The following LDB2 variants were observed in gnomAD, a reference collection of about 807,000 sequenced individuals.
LDB2 encodes LIM domain-binding protein 2.
Under a neutral mutation model 44.3 loss-of-function variants are expected in LDB2, and 12 were observed. That is an observed-to-expected ratio of 0.27 (90% CI 0.17 to 0.44). The LOEUF is 0.44. LDB2 is among the 20% of genes least tolerant of loss of function. The probability of loss-of-function intolerance (pLI) is 1.00; values close to 1 mark genes in which losing one functional copy is unlikely to be tolerated. For missense variants in LDB2, 344 were observed against 473.5 expected (o/e 0.73, Z 2.54); for synonymous variants, 164 against 174.8 (o/e 0.94, Z 0.49).
At chr4:16,757,100 A>G (rs991038352) in intron 2 of LDB2, among the ~76,000 whole-genome samples, 1 of 152,194 alleles carries the variant, frequency 6.6e-6, no homozygotes, top group African/African-American at 2.4e-5. Context: ...CCAGCCTGGC[A>G]CAGCATGCCT....
intron 1 of LDB2, among the ~76,000 whole-genome samples, chr4:16,828,884 G>T (rs1041706055): frequency 6.6e-6 from 1 of 152,078 alleles, no homozygotes; most frequent in Non-Finnish European, 1.5e-5. Context: ...CCTGCAACAC[G>T]GCACCCTGCA....
At chr4:16,528,137 T>C (rs1728875974) in intron 5 of LDB2, among the ~76,000 whole-genome samples, 1 of 152,054 alleles carries the variant, frequency 6.6e-6, no homozygotes, top group Admixed American at 6.6e-5. Flanking sequence ...ATGTTCTCAC[T>C]CGTAAGTGGG....
At chr4:16,722,347 C>T (rs1248700301) in intron 2 of LDB2, among the ~76,000 whole-genome samples, 1 of 152,118 alleles carries the variant, frequency 6.6e-6, no homozygotes, top group Non-Finnish European at 1.5e-5. Context: ...GGAATTCCAA[C>T]CCACATTTAA....
chr4:16,865,470 A>G (rs1020231243), intron 1 of LDB2, among the ~76,000 whole-genome samples: 1 of 152,148 alleles, frequency 6.6e-6, no homozygotes, highest in Non-Finnish European at 1.5e-5. Context: ...TCTCAGCTCC[A>G]CAAGCCCTGC....
intron 5 of LDB2, among the ~76,000 whole-genome samples, chr4:16,557,513 G>C (rs1258157477): frequency 6.6e-6 from 1 of 152,236 alleles, no homozygotes; most frequent in East Asian, 1.9e-4. Context: ...CTGGGGGAGG[G>C]GCGCCTGCCA....
chr4:16,809,114 G>A (rs1459402160), intron 1 of LDB2, among the ~76,000 whole-genome samples: 1 of 152,186 alleles, frequency 6.6e-6, no homozygotes. Flanking sequence ...TAAATCTTAG[G>A]AGATGGCAGA....
intron 2 of LDB2, among the ~76,000 whole-genome samples, chr4:16,640,792 T>C (rs1459320697): frequency 4.6e-5 from 7 of 152,114 alleles, no homozygotes; most frequent in Non-Finnish European, 8.8e-5. Flanking sequence ...CTGAAAAGAG[T>C]AGATTCTATG....
intron 1 of LDB2, among the ~76,000 whole-genome samples, chr4:16,780,639 C>T (rs1389004331): frequency 6.6e-6 from 1 of 152,108 alleles, no homozygotes; most frequent in East Asian, 1.9e-4. Context: ...GTGGAAATGA[C>T]AGCCTTTCTC....
chr4:16,825,047 T>C (rs1346888473), intron 1 of LDB2, among the ~76,000 whole-genome samples: 3 of 152,198 alleles, frequency 2.0e-5, no homozygotes, highest in Non-Finnish European at 2.9e-5. Context: ...GTAGCTGAGA[T>C]ACTGCCTAGG....
chr4:16,787,941 A>C (rs1355648712), intron 1 of LDB2, among the ~76,000 whole-genome samples: 1 of 99,258 alleles, frequency 1.0e-5, no homozygotes, highest in Non-Finnish European at 3.1e-5. Context: ...CTTAAGAATA[A>C]ATGAAACCAA....
chr4:16,752,437 A>G (rs1446618742), intron 2 of LDB2: 5 of 454,170 alleles, frequency 1.1e-5, no homozygotes, highest in South Asian at 3.1e-5. Context: ...TTTTTCCCCA[A>G]TTGGTCTTAA....
chr4:16,715,597 C>A (rs1756908760), intron 2 of LDB2, among the ~76,000 whole-genome samples: 1 of 152,192 alleles, frequency 6.6e-6, no homozygotes, highest in Non-Finnish European at 1.5e-5. Flanking sequence ...CATTTTTCCT[C>A]TGTTAATAAA....
At chr4:16,659,179 G>A (rs1578545279) in intron 2 of LDB2, among the ~76,000 whole-genome samples, 6 of 152,252 alleles carry the variant, frequency 3.9e-5, no homozygotes, top group Admixed American at 1.3e-4. Context: ...GACCAAGACT[G>A]TCCTTAAATA....
At chr4:16,703,526 C>T (rs1205519525) in intron 2 of LDB2, among the ~76,000 whole-genome samples, 1 of 152,190 alleles carries the variant, frequency 6.6e-6, no homozygotes, top group Non-Finnish European at 1.5e-5. Flanking sequence ...TAGAATAAGA[C>T]AGCTGTGTCT....
intron 5 of LDB2, among the ~76,000 whole-genome samples, chr4:16,559,966 A>G (rs1741418975): frequency 6.6e-6 from 1 of 152,214 alleles, no homozygotes; most frequent in Non-Finnish European, 1.5e-5. Context: ...CTGAATGACT[A>G]CTGGGTACAT....
In LDB2 at chr4:16,740,165, A is replaced by G. The variant is rs1392642025; in HGVS notation, c.235+18993T>C. On this transcript the variant is annotated intron_variant, in intron 2 of 7. Transcript: ENST00000304523. ...AGATATTTGACTGTGAGAGCTCCAT[A>G]AATATTCCTTGGTTTTGTCTTTTTA... Among the ~76,000 whole-genome samples the G allele has an allele frequency of 2.6e-5, 4 of 152,188 alleles. No individual in the cohort carries two copies. In the East Asian group the frequency reaches 7.7e-4, roughly 29 times the overall value.
intron 1 of LDB2, among the ~76,000 whole-genome samples, chr4:16,853,499 G>T (rs143096468): frequency 1.3e-5 from 2 of 152,272 alleles, no homozygotes; most frequent in East Asian, 1.9e-4. Flanking sequence ...AGGATGTGGA[G>T]AAAAATGAAT....
At chr4:16,778,640 T>C (rs906475759) in intron 1 of LDB2, among the ~76,000 whole-genome samples, 2 of 152,232 alleles carry the variant, frequency 1.3e-5, no homozygotes, top group Non-Finnish European at 2.9e-5. Context: ...GCCCAATTAC[T>C]ACCTGTTGAT....
chr4:16,678,265 A>G (rs1449406862), intron 2 of LDB2, among the ~76,000 whole-genome samples: 1 of 152,248 alleles, frequency 6.6e-6, no homozygotes, highest in Non-Finnish European at 1.5e-5. Flanking sequence ...GTAAAGGTCA[A>G]CTCAAGAGTT....
Sources: gnomAD v4.1 joint callset for allele counts (sites outside exome capture counted in the v4.1 genomes callset) on GRCh38, gnomAD v4.1.1 for gene constraint, MANE v1.5 for transcripts, NCBI Gene and HGNC (gene_info 2026-07-23, HGNC 2026-07-21) for gene names.